The following ANKS1B variants were observed in gnomAD, a reference collection of about 807,000 sequenced individuals.
ANKS1B encodes ankyrin repeat and sterile alpha motif domain containing 1B, also known as ankyrin repeat and sterile alpha motif domain-containing protein 1B.
Under a neutral mutation model 148.3 loss-of-function variants are expected in ANKS1B, and 36 were observed. The observed-to-expected ratio is 0.24, with a 90% CI of 0.19 to 0.32. ANKS1B has a LOEUF of 0.32. ANKS1B is among the 10% of genes least tolerant of loss of function. The probability of loss-of-function intolerance (pLI) is 1.00; values close to 1 mark genes in which losing one functional copy is unlikely to be tolerated. For synonymous variants in ANKS1B, 542 were observed against 560.8 expected, an observed-to-expected ratio of 0.97 and a Z score of 0.47; for missense variants, 1,157 against 1,542.6, an observed-to-expected ratio of 0.75 and a Z score of 4.19.
chr12:99,754,653 A>C (rs1452910531), intron 8 of ANKS1B, among the ~76,000 whole-genome samples: 4 of 152,220 alleles, frequency 2.6e-5, no homozygotes, highest in African/African-American at 4.8e-5. Context: ...ACAGTCTCTC[A>C]GACCACAGTG....
Position 99,394,335 on chromosome 12 carries a change from C to T in ANKS1B, c.1756+5296G>A, listed in dbSNP as rs529843408. Among the ~76,000 whole-genome samples the T allele has an allele frequency of 2.0e-5, 3 of 152,264 alleles. No individual in the cohort carries two copies. In the South Asian group the frequency reaches 6.2e-4, roughly 32 times the overall value. ...TGCTCCTGTCCAAAACCAGTCTCTC[C>T]ACTTGGTTAATAATAGAATTCATCA... On this transcript the variant is annotated intron_variant, in intron 12 of 26. Transcript: ENST00000683438.
intron 15 of ANKS1B, among the ~76,000 whole-genome samples, chr12:99,102,884 AC>A (rs2153681115): frequency 6.6e-6 from 1 of 152,296 alleles, no homozygotes; most frequent in Non-Finnish European, 1.5e-5. Context: ...AGCTATGATC[AC>A]ATCACTGCAC....
chr12:99,924,427 A>G (rs919269780), intron 1 of ANKS1B, among the ~76,000 whole-genome samples: 2 of 152,158 alleles, frequency 1.3e-5, no homozygotes, highest in Non-Finnish European at 2.9e-5. Context: ...TATTGCAGCA[A>G]TATCTAATTT....
chr12:98,934,368 C>T (rs1225477089), intron 17 of ANKS1B, among the ~76,000 whole-genome samples: 1 of 151,998 alleles, frequency 6.6e-6, no homozygotes, highest in African/African-American at 2.4e-5. Context: ...TGTTTTTATG[C>T]CAGTATCATA....
intron 9 of ANKS1B, among the ~76,000 whole-genome samples, chr12:99,533,836 A>T (rs561655842): frequency 8.5e-5 from 13 of 152,300 alleles, no homozygotes; most frequent in African/African-American, 3.1e-4. Context: ...GACTTTCAAA[A>T]TATTGAATTA....
intron 11 of ANKS1B, among the ~76,000 whole-genome samples, chr12:99,423,604 A>G (rs557155480): frequency 3.8e-4 from 58 of 152,314 alleles, no homozygotes; most frequent in Non-Finnish European, 6.5e-4. Context: ...TCATTGGTAG[A>G]CTGGATTTAA....
chr12:99,096,876 T>G (rs2056350771), intron 15 of ANKS1B: 1 of 152,182 alleles, frequency 6.6e-6, no homozygotes, highest in Non-Finnish European at 1.5e-5. Flanking sequence ...AAAAGCATCA[T>G]GAAGTCCCTC....
At chr12:99,010,664 G>A (rs2099938785) in intron 17 of ANKS1B, among the ~76,000 whole-genome samples, 1 of 151,920 alleles carries the variant, frequency 6.6e-6, no homozygotes, top group Non-Finnish European at 1.5e-5. Flanking sequence ...ATCCCACAAT[G>A]TTACTTACAC....
At chr12:99,069,614 C>T (rs2045644035) in intron 16 of ANKS1B, among the ~76,000 whole-genome samples, 1 of 152,142 alleles carries the variant, frequency 6.6e-6, no homozygotes, top group African/African-American at 2.4e-5. Flanking sequence ...AGCACTTATA[C>T]CTTCATGAAT....
intron 11 of ANKS1B, among the ~76,000 whole-genome samples, chr12:99,425,424 G>A (rs973007952): frequency 7.3e-5 from 11 of 151,618 alleles, no homozygotes; most frequent in Admixed American, 7.2e-4. Context: ...TCCTCTTTCT[G>A]GGCATTTCAT....
intron 9 of ANKS1B, among the ~76,000 whole-genome samples, chr12:99,575,910 C>G (rs1398815198): frequency 6.6e-6 from 1 of 152,026 alleles, no homozygotes; most frequent in African/African-American, 2.4e-5. Flanking sequence ...CAATACTAAC[C>G]TTGAATGCAA....
At chr12:99,968,474 C>T (rs1391767264) in intron 1 of ANKS1B, among the ~76,000 whole-genome samples, 2 of 152,176 alleles carry the variant, frequency 1.3e-5, no homozygotes, top group Non-Finnish European at 2.9e-5. Flanking sequence ...AGGAGAATGG[C>T]GTGAACCCTG....
intron 2 of ANKS1B, among the ~76,000 whole-genome samples, chr12:99,814,226 C>G (rs143226772): frequency 6.6e-6 from 1 of 151,452 alleles, no homozygotes; most frequent in Non-Finnish European, 1.5e-5. Flanking sequence ...AGAATGTATC[C>G]CTGTCATTAA....
chr12:99,411,846 C>G (rs950271848), intron 11 of ANKS1B, among the ~76,000 whole-genome samples: 1 of 152,170 alleles, frequency 6.6e-6, no homozygotes, highest in Non-Finnish European at 1.5e-5. Flanking sequence ...TATTGGATCT[C>G]TTTGACCCTT....
chr12:99,636,726 G>A (rs2098240696), intron 9 of ANKS1B, among the ~76,000 whole-genome samples: 1 of 152,142 alleles, frequency 6.6e-6, no homozygotes, highest in African/African-American at 2.4e-5. Flanking sequence ...CTGGGAACAT[G>A]TGCAATTTTC....
chr12:99,659,826 A>G (rs773051599), intron 8 of ANKS1B, among the ~76,000 whole-genome samples: 43 of 152,244 alleles, frequency 2.8e-4, no homozygotes, highest in Non-Finnish European at 5.7e-4. Flanking sequence ...TTGCAAGATC[A>G]TACTACAAAT....
intron 1 of ANKS1B, among the ~76,000 whole-genome samples, chr12:99,903,494 A>G (rs920850386): frequency 6.6e-6 from 1 of 152,232 alleles, no homozygotes; most frequent in African/African-American, 2.4e-5. Flanking sequence ...CCCAGAGAGA[A>G]GCACAGATGA....
intron 9 of ANKS1B, among the ~76,000 whole-genome samples, chr12:99,612,194 C>G (rs2153347144): frequency 6.6e-6 from 1 of 152,044 alleles, no homozygotes; most frequent in Non-Finnish European, 1.5e-5. Context: ...GCTGATTGAG[C>G]AAAATACATA....
chr12:99,139,086 T>C (rs920239285), intron 15 of ANKS1B, among the ~76,000 whole-genome samples: 1 of 150,748 alleles, frequency 6.6e-6, no homozygotes, highest in Non-Finnish European at 1.5e-5. Flanking sequence ...ACTGAAGCCT[T>C]GAACTCTTGA....
Sources: gnomAD v4.1 joint callset for allele counts (sites outside exome capture counted in the v4.1 genomes callset) on GRCh38, gnomAD v4.1.1 for gene constraint, MANE v1.5 for transcripts, NCBI Gene and HGNC (gene_info 2026-07-23, HGNC 2026-07-21) for gene names.